Variants in RHBDL3 observed in about 807,000 individuals in gnomAD.
RHBDL3 encodes rhomboid like 3.
A neutral mutation model predicts 48.2 loss-of-function variants in RHBDL3; 28 were observed. The observed-to-expected ratio is 0.58, with a 90% CI of 0.43 to 0.80. The LOEUF is 0.80. Among genes scored for constraint, RHBDL3 ranks in the 30% least tolerant of loss-of-function variants. RHBDL3 has a pLI of 0.00. For synonymous variants in RHBDL3, 208 were observed against 232.3 expected (o/e 0.90, Z 0.95); for missense variants, 464 against 542.7 (o/e 0.85, Z 1.44).
intron 1 of RHBDL3, among the ~76,000 whole-genome samples, chr17:32,267,379 A>C (rs1187060371): frequency 6.6e-6 from 1 of 151,124 alleles, no homozygotes; most frequent in East Asian, 1.9e-4. Flanking sequence ...CGAACAAACA[A>C]ACAAAAAACT....
At chr17:32,292,142 TAGA>T (rs922376063) in intron 4 of RHBDL3, among the ~76,000 whole-genome samples, 4 of 152,102 alleles carry the variant, frequency 2.6e-5, no homozygotes, top group Non-Finnish European at 4.4e-5. Flanking sequence ...TGATACATTT[TAGA>T]AGGAGTCCCA....
intron 2 of RHBDL3, among the ~76,000 whole-genome samples, chr17:32,283,524 C>T (rs190101152): frequency 3.0e-3 from 451 of 151,732 alleles, no homozygotes; most frequent in Middle Eastern, 0.01. Context: ...GGGGTTTCAC[C>T]GTGTTAGCCA....
rs1185308654 is a variant in RHBDL3 at position 32,322,499 on chromosome 17, C to G, written c.*1270C>G. On this transcript the variant is annotated 3_prime_UTR_variant, in exon 9 of 9. Transcript: ENST00000269051. Reference sequence around the variant, plus strand: ...CCTATCTCCCTTAGGAGAGAAAGAGCTTTGGGGGCGCAAGAGAGGCTGGGG... The same window carrying G: ...CCTATCTCCCTTAGGAGAGAAAGAGGTTTGGGGGCGCAAGAGAGGCTGGGG... 2 of 152,288 alleles carry G rather than the reference C, an allele frequency of 1.3e-5. No homozygotes were observed. Among genetic ancestry groups the G allele is most frequent in the Non-Finnish European group, 2.9e-5 (2 of 68,130 alleles). 9.4% of individuals were successfully genotyped at this position (152,288 alleles called of 1,614,324 possible). A position where few individuals can be genotyped will look rare whatever the true frequency, so the allele number is the denominator to read the frequency against.
intron 7 of RHBDL3, among the ~76,000 whole-genome samples, chr17:32,307,148 G>C (rs940682202): frequency 2.6e-5 from 4 of 152,176 alleles, no homozygotes; most frequent in Non-Finnish European, 5.9e-5. Context: ...GGCTGATGGA[G>C]GAGTCAGTGG....
intron 2 of RHBDL3, among the ~76,000 whole-genome samples, chr17:32,277,147 T>C (rs1275402998): frequency 6.6e-6 from 1 of 152,228 alleles, no homozygotes; most frequent in African/African-American, 2.4e-5. Context: ...CAGTGGCAGC[T>C]GGTTCCTTGG....
At chr17:32,291,630 G>A (rs1177044562) in intron 4 of RHBDL3, among the ~76,000 whole-genome samples, 6 of 145,136 alleles carry the variant, frequency 4.1e-5, no homozygotes, top group Non-Finnish European at 7.6e-5. Context: ...GCAGTGAGCC[G>A]AGACTGTGCC....
chr17:32,267,708 T>C, intron 1 of RHBDL3, 194 bp from the exon 2 acceptor site: 2 of 1,145,682 alleles, frequency 1.7e-6, no homozygotes, highest in Non-Finnish European at 2.2e-6. Flanking sequence ...CTCTGCTCAG[T>C]GTGGACTCAT....
At chr17:32,294,470 CA>C (rs755117563) in intron 5 of RHBDL3, 28 bp downstream of exon 5, 1 of 1,594,784 alleles carries the variant, frequency 6.3e-7, no homozygotes, top group South Asian at 1.1e-5. Flanking sequence ...TTTGCTCTGT[CA>C]AAAGACCCTA....
intron 5 of RHBDL3, among the ~76,000 whole-genome samples, chr17:32,296,331 CTTTTTTTTT>C (rs5819975): frequency 1.2e-5 from 1 of 83,782 alleles, no homozygotes; most frequent in Non-Finnish European, 2.3e-5. Context: ...GAATAGGTCT[CTTTTTTTTT>C]TTTTTTTTTT....
chr17:32,272,128 T>C (rs1354381147), intron 2 of RHBDL3, among the ~76,000 whole-genome samples: 3 of 152,244 alleles, frequency 2.0e-5, no homozygotes, highest in Non-Finnish European at 4.4e-5. Flanking sequence ...CTTTGCAATA[T>C]CTGATTTGCA....
intron 2 of RHBDL3, among the ~76,000 whole-genome samples, chr17:32,283,588 G>A (rs1363157682): frequency 1.3e-5 from 2 of 152,076 alleles, no homozygotes. Context: ...CTCCCAAAGT[G>A]CTGGGATTAC....
rs937863515 is a variant in RHBDL3 at position 32,319,218 on chromosome 17, A to C, written c.944-1740A>C. On this transcript the variant is annotated intron_variant, in intron 8 of 8. Coordinates refer to ENST00000269051, the MANE Select transcript of RHBDL3 (RefSeq NM_138328.3). ...CGGACGGATCACGAGGTCAGGAGAT[A>C]GAGACCATCCTGGCTAACACGGTGA... is the stretch of plus-strand genomic sequence containing the variant. Among the ~76,000 whole-genome samples the C allele has an allele frequency of 1.1e-4, 16 of 151,864 alleles. No individual in the cohort carries two copies. In the East Asian group the frequency reaches 1.2e-3, roughly 11 times the overall value.
At chr17:32,290,284 C>T (rs1467712421) in intron 4 of RHBDL3, among the ~76,000 whole-genome samples, 5 of 152,174 alleles carry the variant, frequency 3.3e-5, no homozygotes, top group Non-Finnish European at 7.3e-5. Context: ...TATAGTTTAT[C>T]ACTTTTAAAC....
intron 6 of RHBDL3, among the ~76,000 whole-genome samples, chr17:32,302,217 C>T (rs1268962614): frequency 6.6e-6 from 1 of 152,202 alleles, no homozygotes; most frequent in Non-Finnish European, 1.5e-5. Flanking sequence ...GGGGATTCCT[C>T]CCTGGCCCAC....
chr17:32,312,706 G>C (rs562117765), intron 7 of RHBDL3, among the ~76,000 whole-genome samples: 1 of 152,026 alleles, frequency 6.6e-6, no homozygotes, highest in East Asian at 2.0e-4. Flanking sequence ...GTTTAGTAGA[G>C]ATGGGGTTTT....
chr17:32,304,847 G>A (rs1297855988), intron 6 of RHBDL3, among the ~76,000 whole-genome samples: 1 of 152,194 alleles, frequency 6.6e-6, no homozygotes. Flanking sequence ...GCAGGGCTCT[G>A]TGGCTCACAC....
intron 7 of RHBDL3, among the ~76,000 whole-genome samples, chr17:32,311,363 G>A (rs1176876389): frequency 6.6e-6 from 1 of 152,222 alleles, no homozygotes; most frequent in African/African-American, 2.4e-5. Context: ...AAGGCAGCTG[G>A]TTGGAAGCGG....
At chr17:32,289,298 C>T (rs1449398517) in intron 4 of RHBDL3, among the ~76,000 whole-genome samples, 2 of 152,130 alleles carry the variant, frequency 1.3e-5, no homozygotes, top group South Asian at 2.1e-4. Context: ...CCCCCACCCA[C>T]CCCAAAACAA....
chr17:32,305,275 CCTGGGG>C, intron 6 of RHBDL3, 60 bp from the exon 7 acceptor site: 1 of 1,055,906 alleles, frequency 9.5e-7, no homozygotes, highest in Admixed American at 1.7e-5. Context: ...GAATCCAAGG[CCTGGGG>C]CTGGGTTGGG....
Sources: allele counts gnomAD v4.1 joint callset (sites outside exome capture counted in the v4.1 genomes callset), GRCh38; gene constraint gnomAD v4.1.1; transcripts MANE v1.5; gene names NCBI Gene and HGNC (gene_info 2026-07-23, HGNC 2026-07-21).